Variants in MAPKAP1 observed in about 807,000 individuals in gnomAD.
MAPKAP1 encodes target of rapamycin complex 2 subunit MAPKAP1.
In MAPKAP1, 20 loss-of-function variants were observed where a neutral mutation model predicts 65.7. The observed-to-expected ratio is 0.30, with a 90% CI of 0.21 to 0.44. MAPKAP1 has a LOEUF of 0.44. Among genes scored for constraint, MAPKAP1 ranks in the 20% least tolerant of loss-of-function variants. The pLI is 1.00. For synonymous variants in MAPKAP1, 222 were observed against 244.3 expected (o/e 0.91, Z 0.85); for missense variants, 423 against 648.0 (o/e 0.65, Z 3.77).
chr9:125,659,806 T>G (rs1220614234), intron 3 of MAPKAP1, among the ~76,000 whole-genome samples: 1 of 152,056 alleles, frequency 6.6e-6, no homozygotes, highest in African/African-American at 2.4e-5. Flanking sequence ...TCTGTCTATA[T>G]TCTTCCTGTC....
At position 125,672,578 on chromosome 9, in the gene MAPKAP1, T is replaced by C. The variant is rs1018350414; in HGVS notation, c.-4A>G. The C allele has an allele frequency of 6.2e-7, 1 of 1,612,954 alleles. No homozygotes were observed. The highest frequency in any genetic ancestry group is 8.5e-7 in the Non-Finnish European group (1 of 1,178,974). On this transcript the variant is annotated 5_prime_UTR_variant, in exon 2 of 12. Transcript: ENST00000265960. ...TTGGATTGTCCAAGAAGGCCATCCT[T>C]TCTGTGGGCCAATTTCCTTAAAAGG...
intron 7 of MAPKAP1, among the ~76,000 whole-genome samples, chr9:125,533,908 A>G (rs1830003396): frequency 6.6e-6 from 1 of 152,280 alleles, no homozygotes; most frequent in Non-Finnish European, 1.5e-5. Context: ...AAATTTGGAA[A>G]TAATCTAAAC....
intron 6 of MAPKAP1, among the ~76,000 whole-genome samples, chr9:125,547,585 T>G (rs1830464604): frequency 6.6e-6 from 1 of 152,118 alleles, no homozygotes; most frequent in East Asian, 1.9e-4. Context: ...TTGCCCTAAG[T>G]CATCATTCCA....
intron 10 of MAPKAP1, among the ~76,000 whole-genome samples, chr9:125,449,170 C>T (rs1361715688): frequency 1.3e-5 from 2 of 152,068 alleles, no homozygotes; most frequent in African/African-American, 4.8e-5. Context: ...GGAAAAAAAG[C>T]ATAATTCCTG....
rs1852369926 is a variant in MAPKAP1, at chr9:125,438,540, T to G, written c.*347A>C. 2.4e-6 allele frequency: 1 copy of G among 411,354 alleles called. No homozygotes were observed. Among genetic ancestry groups the G allele is most frequent in the Admixed American group, 4.3e-5 (1 of 23,410 alleles). The allele number at this position is 411,354 out of a possible 1,614,324, so 25.5% of individuals were successfully genotyped here. A position where few individuals can be genotyped will look rare whatever the true frequency, so the allele number is the denominator to read the frequency against. On this transcript the variant is annotated 3_prime_UTR_variant, in exon 12 of 12. Transcript: ENST00000265960. ...ATTTTTGTTGTTTGCTTTAAGAAAT[T>G]TGATCAAGTTGCAAGGAAATGTGTG...
At chr9:125,449,704 C>T (rs754154388) in intron 10 of MAPKAP1, among the ~76,000 whole-genome samples, 1 of 152,118 alleles carries the variant, frequency 6.6e-6, no homozygotes, top group Non-Finnish European at 1.5e-5. Flanking sequence ...TTTAATTCAT[C>T]TTCTGTATTA....
intron 7 of MAPKAP1, among the ~76,000 whole-genome samples, chr9:125,514,816 C>A (rs1295362890): frequency 6.6e-6 from 1 of 152,146 alleles, no homozygotes; most frequent in Non-Finnish European, 1.5e-5. Context: ...AGGATCGTGC[C>A]AAGCCTTGAC....
intron 8 of MAPKAP1, among the ~76,000 whole-genome samples, chr9:125,496,610 C>T (rs969122509): frequency 2.6e-5 from 4 of 152,174 alleles, no homozygotes; most frequent in Non-Finnish European, 5.9e-5. Flanking sequence ...GTCTCCAGAG[C>T]TGGCACAGAG....
chr9:125,643,990 G>A (rs780026446), intron 4 of MAPKAP1, among the ~76,000 whole-genome samples: 2 of 152,136 alleles, frequency 1.3e-5, no homozygotes, highest in Admixed American at 1.3e-4. Flanking sequence ...TGGATAGGTA[G>A]CCAGGAAATA....
intron 7 of MAPKAP1, among the ~76,000 whole-genome samples, chr9:125,532,478 C>T (rs556161761): frequency 6.6e-6 from 1 of 152,254 alleles, no homozygotes; most frequent in Non-Finnish European, 1.5e-5. Flanking sequence ...AGGCATCTCT[C>T]TGCATAGGCA....
chr9:125,571,295 G>A (rs1036935643), intron 5 of MAPKAP1, among the ~76,000 whole-genome samples: 19 of 152,278 alleles, frequency 1.2e-4, no homozygotes, highest in Admixed American at 4.6e-4. Flanking sequence ...AATAGTGGCT[G>A]TCCTAAAACT....
chr9:125,505,077 G>A (rs1829098560), intron 8 of MAPKAP1, among the ~76,000 whole-genome samples: 1 of 152,232 alleles, frequency 6.6e-6, no homozygotes, highest in African/African-American at 2.4e-5. Flanking sequence ...GCTGGCTGCA[G>A]TGGCTCACAT....
At chr9:125,669,297 A>G (rs997471119) in intron 3 of MAPKAP1, among the ~76,000 whole-genome samples, 3 of 151,932 alleles carry the variant, frequency 2.0e-5, no homozygotes, top group Non-Finnish European at 2.9e-5. Flanking sequence ...CCTGGCCAAC[A>G]TGGTGAAATC....
chr9:125,561,444 CTA>C (rs1343427921), intron 5 of MAPKAP1, among the ~76,000 whole-genome samples: 1 of 152,148 alleles, frequency 6.6e-6, no homozygotes, highest in Non-Finnish European at 1.5e-5. Context: ...AGTAATCTAG[CTA>C]TGTTTGTCAC....
At position 125,694,209 on chromosome 9, in the gene MAPKAP1, T is replaced by C. The variant is rs577089209; in HGVS notation, c.-70+12762A>G. 2.6e-5 allele frequency among the ~76,000 whole-genome samples: 4 copies of C among 151,842 alleles called. No individual in the cohort carries two copies. In the East Asian group the frequency reaches 7.8e-4, roughly 29 times the overall value. ...CAGGTGTGGTGGTGCACACCCGTAATCTCAGCTACTTGGGAGGCTGAGGCA... is the reference window on the plus strand; with the variant it reads ...CAGGTGTGGTGGTGCACACCCGTAACCTCAGCTACTTGGGAGGCTGAGGCA... On this transcript the variant is annotated intron_variant, in intron 1 of 11. Transcript: ENST00000265960.
At chr9:125,700,883 T>C (rs1016750521) in intron 1 of MAPKAP1, among the ~76,000 whole-genome samples, 4 of 152,242 alleles carry the variant, frequency 2.6e-5, no homozygotes, top group Admixed American at 6.5e-5. Flanking sequence ...TCTCTCACTG[T>C]GCTGGGTGTC....
At chr9:125,501,926 G>A (rs1828993203) in intron 8 of MAPKAP1, among the ~76,000 whole-genome samples, 1 of 151,978 alleles carries the variant, frequency 6.6e-6, no homozygotes, top group Non-Finnish European at 1.5e-5. Context: ...CATTGGAAGT[G>A]TATCGATTTT....
intron 10 of MAPKAP1, among the ~76,000 whole-genome samples, chr9:125,452,053 G>A (rs1327030628): frequency 6.6e-6 from 1 of 151,956 alleles, no homozygotes; most frequent in Non-Finnish European, 1.5e-5. Flanking sequence ...TGGGTGATCT[G>A]CCCGCCTTGG....
intron 10 of MAPKAP1, among the ~76,000 whole-genome samples, chr9:125,446,272 G>T (rs1028086433): frequency 6.6e-6 from 1 of 152,098 alleles, no homozygotes; most frequent in Admixed American, 6.5e-5. Context: ...TGTACTAATT[G>T]TGACTATAAA....
Sources: allele counts gnomAD v4.1 joint callset (sites outside exome capture counted in the v4.1 genomes callset), GRCh38; gene constraint gnomAD v4.1.1; transcripts MANE v1.5; gene names NCBI Gene and HGNC (gene_info 2026-07-23, HGNC 2026-07-21).